The following KNTC1 variants were observed in gnomAD, a reference collection of about 807,000 sequenced individuals.
KNTC1 encodes kinetochore-associated protein 1.
In KNTC1, 253 loss-of-function variants were observed where a neutral mutation model predicts 314.4. The ratio of observed to expected loss-of-function variants is 0.80; its 90% CI spans 0.73 to 0.89. KNTC1 has a LOEUF of 0.89. Among genes scored for constraint, KNTC1 ranks in the 40% least tolerant of loss-of-function variants. The pLI, the probability that KNTC1 is intolerant of heterozygous loss-of-function variation, is 0.00. For missense variants in KNTC1, 2,475 were observed against 2,572.9 expected (o/e 0.96, Z 0.82); for synonymous variants, 901 against 901.4 (o/e 1.00, Z 0.01).
In KNTC1 at chr12:122,594,342, G is replaced by A. The variant is rs1360825229; in HGVS notation, c.4312G>A (p.Glu1438Lys). 3 of 1,608,844 alleles carry A rather than the reference G, an allele frequency of 1.9e-6. No individual in the cohort carries two copies. Among genetic ancestry groups the A allele is most frequent in the Non-Finnish European group, 8.5e-7 (1 of 1,175,700 alleles). ...TKKDLIKALV[E>K]NIDMDTSLIL... ...GAAAGACCTCATTAAAGCTCTTGTG[G>A]AGAATATAGATATGGACACAAGCCT... The change falls in exon 43 of 64, where the codon GAG becomes AAG. Residue 1438 changes from glutamate (E) to lysine (K), a missense_variant. By Grantham distance (56) the Glu-to-Lys change is moderately conservative. Transcript: ENST00000333479.
Position 122,624,620 on chromosome 12 carries a change from A to G in KNTC1, c.6538A>G (p.Ile2180Val), listed in dbSNP as rs199778988. The G allele has an allele frequency of 1.9e-5, 30 of 1,613,010 alleles. No individual in the cohort carries two copies. In the African/African-American group the frequency reaches 3.7e-4, roughly 20 times the overall value. Residue 2180 changes from isoleucine to valine, a missense_variant, in exon 63 of 64, where the codon ATA becomes GTA. Physicochemically the swap from Ile to Val is conservative, Grantham distance 29. Transcript: ENST00000333479. The part of the protein sequence containing the change: ...DLSLDEASVL[I>V]TEYSKHCGKP... ...TAGTTTAGATGAAGCTTCAGTCTTG[A>G]TAACTGAATATTCAAAGCACTGCGG...
At chr12:122,567,070 TA>T (rs999604117) in intron 20 of KNTC1, among the ~76,000 whole-genome samples, 1 of 151,386 alleles carries the variant, frequency 6.6e-6, no homozygotes, top group Admixed American at 6.6e-5. Flanking sequence ...AGCTAGTGAT[TA>T]AAAAAAACTT....
In KNTC1 at chr12:122,546,259, G is replaced by C. The variant is rs1962755463; in HGVS notation, c.753G>C (p.Glu251Asp). The C allele has an allele frequency of 6.4e-7, 1 of 1,559,322 alleles. No individual in the cohort carries two copies. ...CAGTTAAGAACCTTATTGATGCAGA[G>C]ATTATTAAAGGTAAAATAAGTTAAT... ...GMTVKNLIDA[E>D]IIKGAKKFQL... Residue 251 changes from glutamate to aspartate, a missense_variant, in exon 9 of 64, where the codon GAG (glutamate) becomes GAC (aspartate). Transcript: ENST00000333479.
chr12:122,578,207 A>G lies in KNTC1; in HGVS notation c.2841+416A>G, dbSNP rs989921249. Among the ~76,000 whole-genome samples, 3 of 152,298 alleles carry G rather than the reference A, an allele frequency of 2.0e-5. No individual in the cohort carries two copies. The East Asian group carries it at 5.8e-4, about 29-fold the overall frequency. On this transcript the variant is annotated intron_variant, in intron 31 of 63. Transcript: ENST00000333479. ...GTTTTAAGAGAGTTTACTTTTTTGC[A>G]GATGAGGAATACTTGGTTTTTCCAG... is the stretch of plus-strand genomic sequence containing the variant.
chr12:122,574,906 T>G (rs976556935), intron 27 of KNTC1, among the ~76,000 whole-genome samples: 10 of 152,170 alleles, frequency 6.6e-5, no homozygotes, highest in Admixed American at 1.3e-4. Context: ...TGCCTTTATT[T>G]TAACTTCACA....
intron 51 of KNTC1, among the ~76,000 whole-genome samples, chr12:122,606,155 G>A (rs1872562891): frequency 6.6e-6 from 1 of 151,344 alleles, no homozygotes; most frequent in South Asian, 2.1e-4. Context: ...AAGCCACTGT[G>A]CCTGTCTGGA....
intron 43 of KNTC1, among the ~76,000 whole-genome samples, chr12:122,595,852 G>A (rs1483341821): frequency 6.6e-6 from 1 of 152,094 alleles, no homozygotes; most frequent in Non-Finnish European, 1.5e-5. Context: ...CTACTTACGT[G>A]GCATTGATGA....
chr12:122,532,797 G>A (rs1961471169), intron 2 of KNTC1, among the ~76,000 whole-genome samples: 1 of 152,230 alleles, frequency 6.6e-6, no homozygotes, highest in Non-Finnish European at 1.5e-5. Context: ...AATAAAAGAT[G>A]CTTAGCTGTG....
intron 43 of KNTC1, among the ~76,000 whole-genome samples, chr12:122,594,994 A>G (rs12320465): frequency 0.059 from 8,963 of 152,056 alleles, 873 homozygotes; most frequent in African/African-American, 0.2. Context: ...TCTGGCCTCA[A>G]CCTCCCAAGT....
intron 43 of KNTC1, 78 bp from the exon 44 acceptor site, chr12:122,597,653 C>T (rs1211516999): frequency 7.7e-6 from 9 of 1,172,366 alleles, no homozygotes; most frequent in African/African-American, 1.5e-5. Flanking sequence ...GAAGCATGTA[C>T]CCAAGTGTTT....
At chr12:122,545,769 T>C (rs1593504435) in intron 8 of KNTC1, among the ~76,000 whole-genome samples, 1 of 151,824 alleles carries the variant, frequency 6.6e-6, no homozygotes, top group Admixed American at 6.6e-5. Flanking sequence ...CTCAGCAACA[T>C]AGGGAGACCC....
Position 122,605,195 on chromosome 12 carries a change from A to G in KNTC1, c.5386+108A>G, listed in dbSNP as rs763981119. ...ATATATTACTTACATATGCTTATAT[A>G]TGTATATACTTATATGTGTATGTAT... On this transcript the variant is annotated intron_variant, in intron 50 of 63. Transcript: ENST00000333479. 4.5e-5 allele frequency: 49 copies of G among 1,078,596 alleles called. No individual in the cohort carries two copies. In the Middle Eastern group the frequency reaches 1.2e-3, roughly 26 times the overall value. The allele number at this position is 1,078,596 out of a possible 1,614,324, so 66.8% of individuals were successfully genotyped here. A position where few individuals can be genotyped will look rare whatever the true frequency, so the allele number is the denominator to read the frequency against.
intron 18 of KNTC1, among the ~76,000 whole-genome samples, chr12:122,559,700 G>A (rs1963850909): frequency 6.6e-6 from 1 of 152,088 alleles, no homozygotes. Flanking sequence ...AGCCTCTCAA[G>A]TAGCTGAGAT....
chr12:122,620,405 A>G (rs1312648120), intron 59 of KNTC1, 74 bp from the exon 60 acceptor site: 5 of 1,408,530 alleles, frequency 3.5e-6, no homozygotes, highest in Non-Finnish European at 4.9e-6. Flanking sequence ...GCAGATGACT[A>G]TGGAAAGCTA....
intron 59 of KNTC1, 42 bp downstream of exon 59, chr12:122,618,587 T>G (rs774953452): frequency 6.9e-7 from 1 of 1,441,576 alleles, no homozygotes; most frequent in Non-Finnish European, 9.7e-7. Flanking sequence ...AAAAAGTTTG[T>G]TGCTTATAAG....
intron 54 of KNTC1, 100 bp from the exon 55 acceptor site, chr12:122,613,526 A>G (rs1277099515): frequency 8.6e-7 from 1 of 1,158,582 alleles, no homozygotes; most frequent in African/African-American, 1.6e-5. Flanking sequence ...CAAAATGGAC[A>G]TTTAAAACAA....
At chr12:122,552,477 G>A (rs1963270550) in intron 16 of KNTC1, among the ~76,000 whole-genome samples, 1 of 152,142 alleles carries the variant, frequency 6.6e-6, no homozygotes, top group African/African-American at 2.4e-5. Context: ...TGATCCTCCT[G>A]CTTCAGCTTC....
chr12:122,611,505 A>G (rs965993980), intron 53 of KNTC1: 2 of 152,340 alleles, frequency 1.3e-5, no homozygotes, highest in African/African-American at 4.8e-5. Context: ...TATATTCTCT[A>G]CATATAAAGA....
chr12:122,601,432 A>G, intron 44 of KNTC1, 104 bp from the exon 45 acceptor site: 1 of 1,004,110 alleles, frequency 1.0e-6, no homozygotes, highest in Non-Finnish European at 1.4e-6. Flanking sequence ...AATGTAGTGC[A>G]GTGACATTTT....
Sources: gnomAD v4.1 joint callset for allele counts (sites outside exome capture counted in the v4.1 genomes callset) on GRCh38, gnomAD v4.1.1 for gene constraint, MANE v1.5 for transcripts, NCBI Gene and HGNC (gene_info 2026-07-23, HGNC 2026-07-21) for gene names.